PADI4: variants seen among roughly 807,000 people sequenced by gnomAD.
The protein encoded by PADI4 is protein-arginine deiminase type-4.
Under a neutral mutation model 75.0 loss-of-function variants are expected in PADI4, and 62 were observed. The observed-to-expected ratio is 0.83, with a 90% CI of 0.67 to 1.02. The LOEUF is 1.02. Among genes scored for constraint, PADI4 ranks in the 50% least tolerant of loss-of-function variants. The pLI, the probability that PADI4 is intolerant of heterozygous loss-of-function variation, is 0.00. For missense variants in PADI4, 845 were observed against 850.5 expected (o/e 0.99, Z 0.08); for synonymous variants, 361 against 348.1 (o/e 1.04, Z -0.41).
At chr1:17,351,897 A>G (rs1197148298) in intron 10 of PADI4, among the ~76,000 whole-genome samples, 1 of 144,046 alleles carries the variant, frequency 6.9e-6, no homozygotes, top group South Asian at 2.2e-4. Context: ...TAGAAAAGGC[A>G]GTCAGGGAGC....
At chr1:17,327,423 T>C (rs1398525167) in intron 1 of PADI4, among the ~76,000 whole-genome samples, 3 of 152,228 alleles carry the variant, frequency 2.0e-5, no homozygotes, top group Non-Finnish European at 4.4e-5. Context: ...TTTTCAACTT[T>C]TCTGGATCGT....
In PADI4 at chr1:17,308,334, G is replaced by A; in HGVS notation, c.92+20G>A. ...CTGCAGGTAAGAGGGGGGCCTTCTG[G>A]GGTTTTGGAGGCAGGTCAGGAGATG... is the stretch of plus-strand genomic sequence containing the variant. On this transcript the variant is annotated intron_variant, in intron 1 of 15. Transcript: ENST00000375448. The A allele has an allele frequency of 6.3e-7, 1 of 1,591,508 alleles. No individual in the cohort carries two copies. The highest frequency in any genetic ancestry group is 1.1e-5 in the South Asian group (1 of 90,660).
Position 17,363,586 on chromosome 1 carries a change from G to A in PADI4, c.1823G>A (p.Gly608Asp). The A allele has an allele frequency of 1.2e-6, 2 of 1,614,126 alleles. No homozygotes were observed. Among genetic ancestry groups the A allele is most frequent in the South Asian group, 2.2e-5 (2 of 91,068 alleles). The change falls in exon 16 of 16, where the codon GGC (glycine) becomes GAC (aspartate). Residue 608 changes from glycine (G) to aspartate (D), a missense_variant. Gly to Asp is a moderately conservative substitution (Grantham distance 94, BLOSUM62 -1). Coordinates refer to ENST00000375448, the MANE Select transcript of PADI4 (RefSeq NM_012387.3). ...AAGCCCTTCGGGCCCGTCATCAACG[G>A]CCGCTGCTGCCTGGAGGAGAAGGTG... is the stretch of plus-strand genomic sequence containing the variant. ...IPKPFGPVIN[G>D]RCCLEEKVCS...
rs1170324995 is a variant in PADI4, at chr1:17,316,732, AAAAT to A, written c.92+8434_92+8437del. Among the ~76,000 whole-genome samples, 920 of 148,288 alleles carry A rather than the reference AAAAT, an allele frequency of 6.2e-3. 14 individuals are homozygous for A. Among genetic ancestry groups the A allele is most frequent in the African/African-American group, 0.022 (856 of 39,258 alleles). ...AAATTAATTAATTAATTAATTAATT[AAAAT>A]AAATAAATAAATAAAATAACACCCC... On this transcript the variant is annotated intron_variant, in intron 1 of 15. Coordinates refer to ENST00000375448, the MANE Select transcript of PADI4 (RefSeq NM_012387.3).
chr1:17,324,611 T>C (rs1325415694), intron 1 of PADI4, among the ~76,000 whole-genome samples: 1 of 152,146 alleles, frequency 6.6e-6, no homozygotes, highest in Non-Finnish European at 1.5e-5. Flanking sequence ...GGATTAAAGG[T>C]GTGAGCCACT....
chr1:17,326,803 T>C (rs2074123487), intron 1 of PADI4, among the ~76,000 whole-genome samples: 1 of 152,222 alleles, frequency 6.6e-6, no homozygotes, highest in African/African-American at 2.4e-5. Context: ...GCTTAATCTA[T>C]TGTTGATTGA....
Position 17,346,238 on chromosome 1 carries a change from C to A in PADI4, c.1047+99C>A. On this transcript the variant is annotated intron_variant, in intron 9 of 15. Coordinates refer to ENST00000375448, the MANE Select transcript of PADI4 (RefSeq NM_012387.3). The surrounding 1 kb of genome is among the most constrained non-coding windows in gnomAD (Gnocchi z 4.3). The stretch of plus-strand genomic sequence containing the variant: ...GGGTTCAGCCTGGTGCCTCACCGGC[C>A]ACTCTTCCTTAGATGGACAGGGAGA... The A allele has an allele frequency of 1.4e-6, 1 of 692,234 alleles. No individual in the cohort carries two copies. The highest frequency in any genetic ancestry group is 2.6e-5 in the Admixed American group (1 of 39,202). 42.9% of individuals were successfully genotyped at this position (692,234 alleles called of 1,614,324 possible). A position where few individuals can be genotyped will look rare whatever the true frequency, so the allele number is the denominator to read the frequency against.
chr1:17,344,820 T>C (rs1374058036), intron 8 of PADI4, among the ~76,000 whole-genome samples: 2 of 152,028 alleles, frequency 1.3e-5, no homozygotes, highest in Admixed American at 6.6e-5. Context: ...GCTGCAGGGG[T>C]GGTGTTCTCA....
At position 17,356,564 on chromosome 1, in the gene PADI4, C is replaced by A; in HGVS notation, c.1558+105C>A. On this transcript the variant is annotated intron_variant, in intron 13 of 15. Coordinates refer to ENST00000375448, the MANE Select transcript of PADI4 (RefSeq NM_012387.3). This position sits in a 1 kb window ranked among gnomAD's most constrained non-coding sequence, Gnocchi z 4.1. ...CAGGCAATAGGGTAGCATCTGAGCA[C>A]CTACTGTGCGCCAGGCACTGTGCCA... 2 of 687,902 alleles carry A rather than the reference C, an allele frequency of 2.9e-6. No homozygotes were observed. The highest frequency in any genetic ancestry group is 3.5e-5 in the South Asian group (2 of 56,768). 42.6% of individuals were successfully genotyped at this position (687,902 alleles called of 1,614,324 possible).
intron 15 of PADI4, among the ~76,000 whole-genome samples, chr1:17,362,055 G>A (rs116000944): frequency 1.3e-3 from 201 of 152,212 alleles, no homozygotes; most frequent in African/African-American, 4.2e-3. Context: ...GGAGGAGAAC[G>A]TAGTGTTAAG....
intron 1 of PADI4, among the ~76,000 whole-genome samples, chr1:17,328,851 C>T (rs2074157904): frequency 6.6e-6 from 1 of 151,694 alleles, no homozygotes; most frequent in Non-Finnish European, 1.5e-5. Flanking sequence ...TTTATTTGTT[C>T]ACGATTCTTT....
At chr1:17,345,206 C>A (rs2074493535) in intron 8 of PADI4, among the ~76,000 whole-genome samples, 1 of 152,144 alleles carries the variant, frequency 6.6e-6, no homozygotes, top group African/African-American at 2.4e-5. Context: ...GCCCTGTAAC[C>A]CCCTTGTTTT....
chr1:17,349,887 C>T lies in PADI4; in HGVS notation c.1155+1839C>T, dbSNP rs895508703. The stretch of plus-strand genomic sequence containing the variant: ...AGCCCCACCTCCACTGGCCTCCTTC[C>T]TGTTCTTCAAACTTGCCTAACGTTT... On this transcript the variant is annotated intron_variant, in intron 10 of 15. Transcript: ENST00000375448. 3.2e-4 allele frequency among the ~76,000 whole-genome samples: 40 copies of T among 125,364 alleles called. 4 individuals carry two copies. The highest frequency in any genetic ancestry group is 9.9e-4 in the African/African-American group (39 of 39,388). The allele number at this position is 125,364 out of a possible 152,430, so 82.2% of individuals were successfully genotyped here.
intron 3 of PADI4, chr1:17,334,417 T>C: frequency 2.2e-6 from 1 of 461,638 alleles, no homozygotes. Flanking sequence ...ATCCTCCTGC[T>C]TCAGCGTCCC....
chr1:17,363,775 C>T lies in PADI4; in HGVS notation c.*20C>T. ...CCCTGAGCCCATCTTCCCTGGCGTC[C>T]TCTCCCTCCTGGCCAGATGTCGCTG... On this transcript the variant is annotated 3_prime_UTR_variant, in exon 16 of 16. Transcript: ENST00000375448. 1 of 1,547,182 alleles carries T rather than the reference C, an allele frequency of 6.5e-7. No individual in the cohort carries two copies. The highest frequency in any genetic ancestry group is 8.9e-7 in the Non-Finnish European group (1 of 1,119,814).
At chr1:17,332,967 A>G (rs2074241208) in intron 2 of PADI4, among the ~76,000 whole-genome samples, 1 of 152,158 alleles carries the variant, frequency 6.6e-6, no homozygotes, top group Non-Finnish European at 1.5e-5. Flanking sequence ...GTGTTGGGGA[A>G]ACTGAGGAAG....
intron 1 of PADI4, among the ~76,000 whole-genome samples, chr1:17,328,347 A>T (rs996508036): frequency 2.0e-5 from 3 of 151,716 alleles, no homozygotes; most frequent in Admixed American, 6.6e-5. Flanking sequence ...AGTATAGGCC[A>T]GGCGCATAAA....
intron 1 of PADI4, among the ~76,000 whole-genome samples, chr1:17,321,086 A>T (rs1242531530): frequency 1.3e-5 from 2 of 152,188 alleles, no homozygotes; most frequent in Admixed American, 1.3e-4. Context: ...CAGAGGGCTG[A>T]TCTCATTTTG....
intron 9 of PADI4, among the ~76,000 whole-genome samples, chr1:17,347,060 C>A (rs1039014537): frequency 2.0e-5 from 3 of 152,050 alleles, no homozygotes; most frequent in Admixed American, 6.6e-5. Flanking sequence ...GCCTCAGCCT[C>A]CTGAGTAGCT....
Sources: gnomAD v4.1 joint callset for allele counts (sites outside exome capture counted in the v4.1 genomes callset) on GRCh38, gnomAD v4.1.1 for gene constraint, Gnocchi (gnomAD v3.1) non-coding constraint, MANE v1.5 for transcripts, NCBI Gene and HGNC (gene_info 2026-07-23, HGNC 2026-07-21) for gene names.